The following EXOC6 variants were observed in gnomAD, a reference collection of about 807,000 sequenced individuals.
The protein encoded by EXOC6 is SEC15-like 1.
In EXOC6, 60 loss-of-function variants were observed where a neutral mutation model predicts 112.5. The ratio of observed to expected loss-of-function variants is 0.53; its 90% confidence interval spans 0.43 to 0.66. The LOEUF (loss-of-function observed/expected upper bound fraction) is 0.66. Ranked by LOEUF, EXOC6 falls within the 30% of genes least tolerant of loss-of-function variation. The pLI, the probability that EXOC6 is intolerant of heterozygous loss-of-function variation, is 0.00. For missense variants in EXOC6, 855 were observed against 957.1 expected (o/e 0.89, Z 1.41); for synonymous variants, 295 against 308.0 (o/e 0.96, Z 0.44).
chr10:93,005,703 G>T (rs569212713), intron 19 of EXOC6, among the ~76,000 whole-genome samples: 23 of 152,222 alleles, frequency 1.5e-4, no homozygotes, highest in African/African-American at 5.5e-4. Flanking sequence ...TCTAAGTTAG[G>T]TTATTAGCTC....
chr10:93,004,076 C>T (rs138298849), intron 19 of EXOC6, among the ~76,000 whole-genome samples: 28 of 152,172 alleles, frequency 1.8e-4, no homozygotes, highest in Non-Finnish European at 3.7e-4. Flanking sequence ...AGCAGGAAGA[C>T]CTGTTAAAAG....
In EXOC6 at chr10:92,909,550, A is replaced by T; in HGVS notation, c.582A>T (p.Glu194Asp). The change falls in exon 6 of 22, where the codon GAA becomes GAT. Residue 194 changes from glutamate to aspartate, a missense_variant. Around this residue, in one of 2 missense-constraint regions of EXOC6, gnomAD observed 405 missense variants for 393.6 expected, o/e 1.03. Transcript: ENST00000260762. ...NLPKLREDIK[E>D]ISMSDLKDFL... ...CCAAACTCCGTGAGGATATTAAAGA[A>T]ATCTCCATGTCTGATCTCAAAGACT... is the stretch of plus-strand genomic sequence containing the variant. 1 of 1,613,582 alleles carries T rather than the reference A, an allele frequency of 6.2e-7. No individual in the cohort carries two copies. Among genetic ancestry groups the T allele is most frequent in the Non-Finnish European group, 8.5e-7 (1 of 1,179,612 alleles).
Position 92,859,426 on chromosome 10 carries a change from A to G in EXOC6, c.101+10792A>G, listed in dbSNP as rs148221220. Among the ~76,000 whole-genome samples the G allele has an allele frequency of 5.4e-3, 823 of 152,322 alleles. 5 individuals carry two copies. The highest frequency in any genetic ancestry group is 0.019 in the African/African-American group (787 of 41,566). ...TGTTAAACTTTCTGCCTTCGTTGGC[A>G]TCACATTCGGCTGTTAGATTCCAGT... On this transcript the variant is annotated intron_variant, in intron 1 of 21. Coordinates refer to ENST00000260762, the MANE Select transcript of EXOC6 (RefSeq NM_019053.6).
intron 6 of EXOC6, among the ~76,000 whole-genome samples, chr10:92,910,262 T>C (rs535678305): frequency 6.6e-6 from 1 of 152,192 alleles, no homozygotes; most frequent in Non-Finnish European, 1.5e-5. Flanking sequence ...CAAATGGTGG[T>C]ATATTCATAC....
At chr10:93,045,429 T>C (rs952427688) in intron 20 of EXOC6, among the ~76,000 whole-genome samples, 1 of 152,226 alleles carries the variant, frequency 6.6e-6, no homozygotes, top group African/African-American at 2.4e-5. Flanking sequence ...AAACTAGTTA[T>C]TCTCTTCCCT....
At chr10:92,955,953 A>T (rs1484999128) in intron 17 of EXOC6, among the ~76,000 whole-genome samples, 1 of 152,092 alleles carries the variant, frequency 6.6e-6, no homozygotes, top group Non-Finnish European at 1.5e-5. Flanking sequence ...TCATGTTTTG[A>T]TGATTTATAG....
intron 14 of EXOC6, among the ~76,000 whole-genome samples, chr10:92,949,449 C>T (rs530420031): frequency 6.6e-6 from 1 of 150,524 alleles, no homozygotes; most frequent in South Asian, 2.1e-4. Context: ...GAAAGTTGTT[C>T]TGTCAAGAAA....
chr10:92,951,892 C>G (rs555227068), intron 14 of EXOC6, among the ~76,000 whole-genome samples: 1 of 152,226 alleles, frequency 6.6e-6, no homozygotes, highest in African/African-American at 2.4e-5. Context: ...TGACTCTGAG[C>G]CAGAAAGCTG....
At chr10:92,986,338 A>G (rs1207729247) in intron 18 of EXOC6, among the ~76,000 whole-genome samples, 1 of 152,200 alleles carries the variant, frequency 6.6e-6, no homozygotes, top group Admixed American at 6.5e-5. Flanking sequence ...TAATGCAAAT[A>G]AAATTTATTC....
chr10:92,888,852 A>G (rs988505335), intron 1 of EXOC6, among the ~76,000 whole-genome samples: 2 of 152,228 alleles, frequency 1.3e-5, no homozygotes, highest in Non-Finnish European at 2.9e-5. Context: ...AGTTCTTGTT[A>G]TATATGTTAA....
chr10:93,052,463 G>A (rs143848494), intron 20 of EXOC6, among the ~76,000 whole-genome samples: 245 of 152,228 alleles, frequency 1.6e-3, no homozygotes, highest in Non-Finnish European at 2.7e-3. Flanking sequence ...GTGTTTGCTG[G>A]ACACACACAG....
intron 13 of EXOC6, among the ~76,000 whole-genome samples, chr10:92,947,781 T>C (rs1853124840): frequency 6.6e-6 from 1 of 152,166 alleles, no homozygotes; most frequent in African/African-American, 2.4e-5. Context: ...GGCACGCGCC[T>C]GTAGTCCAGC....
At chr10:92,829,649 C>T (rs1846441993) in intron 1 of EXOC6, among the ~76,000 whole-genome samples, 1 of 152,150 alleles carries the variant, frequency 6.6e-6, no homozygotes, top group Non-Finnish European at 1.5e-5. Context: ...AGAGTGACTC[C>T]ATCTTGAATA....
intron 1 of EXOC6, among the ~76,000 whole-genome samples, chr10:92,870,562 T>G (rs1289560109): frequency 2.0e-5 from 3 of 152,226 alleles, no homozygotes; most frequent in African/African-American, 7.2e-5. Flanking sequence ...TTGATATTTA[T>G]AAGTGAGATT....
At chr10:93,028,834 CAAAAAAAAA>C (rs59650538) in intron 20 of EXOC6, among the ~76,000 whole-genome samples, 1 of 79,174 alleles carries the variant, frequency 1.3e-5, no homozygotes, top group Admixed American at 1.2e-4. Flanking sequence ...AACTCCATCT[CAAAAAAAAA>C]AAAAAAAAAA....
At chr10:92,927,401 G>T (rs537567650) in intron 8 of EXOC6, among the ~76,000 whole-genome samples, 19 of 152,304 alleles carry the variant, frequency 1.2e-4, no homozygotes, top group African/African-American at 4.6e-4. Flanking sequence ...TCTTCTAAGT[G>T]ATAGGGATAC....
chr10:92,912,942 T>C (rs1244521239), intron 6 of EXOC6, among the ~76,000 whole-genome samples: 1 of 152,154 alleles, frequency 6.6e-6, no homozygotes, highest in East Asian at 1.9e-4. Flanking sequence ...AACATCTGCT[T>C]TTCTGGGATA....
At chr10:92,926,390 T>C (rs1403403752) in intron 8 of EXOC6, among the ~76,000 whole-genome samples, 1 of 151,952 alleles carries the variant, frequency 6.6e-6, no homozygotes, top group African/African-American at 2.4e-5. Flanking sequence ...GGACTGGAAA[T>C]AAGAGTTCAA....
In EXOC6 at chr10:92,904,439, G is replaced by A. The variant is rs75350154; in HGVS notation, c.458+4795G>A. On this transcript the variant is annotated intron_variant, in intron 5 of 21. Coordinates refer to ENST00000260762, the MANE Select transcript of EXOC6 (RefSeq NM_019053.6). The stretch of plus-strand genomic sequence containing the variant: ...TCCAGAATGAATGAGAGTTACTGTT[G>A]CTCCACATCCTCCACAGGATTTAGT... 9.8e-3 allele frequency among the ~76,000 whole-genome samples: 1,489 copies of A among 152,140 alleles called. 20 individuals carry two copies. Among genetic ancestry groups the A allele is most frequent in the African/African-American group, 0.032 (1,342 of 41,542 alleles).
Sources: allele counts gnomAD v4.1 joint callset (sites outside exome capture counted in the v4.1 genomes callset), GRCh38; gene constraint gnomAD v4.1.1; regional missense constraint gnomAD v4.1.1; transcripts MANE v1.5; gene names NCBI Gene and HGNC (gene_info 2026-07-23, HGNC 2026-07-21).